Variants in LIN7A observed in about 807,000 individuals in gnomAD.
The protein encoded by LIN7A is protein lin-7 homolog A.
A neutral mutation model predicts 29.8 loss-of-function variants in LIN7A; 25 were observed. The ratio of observed to expected loss-of-function variants is 0.84; its 90% CI spans 0.61 to 1.17. The LOEUF (loss-of-function observed/expected upper bound fraction) is 1.17, where lower values mean the gene tolerates loss of function less well. LIN7A is among the 50% of genes most tolerant of loss of function. The pLI is 0.00. For synonymous variants in LIN7A, 118 were observed against 107.5 expected (o/e 1.10, Z -0.60); for missense variants, 239 against 287.0 (o/e 0.83, Z 1.21).
At chr12:80,842,951 G>T (rs1019959778) in intron 4 of LIN7A, among the ~76,000 whole-genome samples, 1 of 148,216 alleles carries the variant, frequency 6.7e-6, no homozygotes, top group Non-Finnish European at 1.5e-5. Flanking sequence ...AACCAGTCTA[G>T]GGTAGTTAGC....
chr12:80,800,389 T>G (rs1870659889), intron 5 of LIN7A, among the ~76,000 whole-genome samples: 1 of 148,006 alleles, frequency 6.8e-6, no homozygotes, highest in South Asian at 2.1e-4. Flanking sequence ...CTCGGAAGGC[T>G]GAGGCAGGAG....
At chr12:80,829,451 T>C (rs1209046444) in intron 4 of LIN7A, among the ~76,000 whole-genome samples, 1 of 152,204 alleles carries the variant, frequency 6.6e-6, no homozygotes, top group Non-Finnish European at 1.5e-5. Context: ...GCATATCACT[T>C]ATACGGCATG....
chr12:80,806,250 GCACGAATAAAACCCGAATT>G (rs1870984045), intron 5 of LIN7A, among the ~76,000 whole-genome samples: 1 of 152,038 alleles, frequency 6.6e-6, no homozygotes, highest in African/African-American at 2.4e-5. Flanking sequence ...AGTGGGTATA[GCACGAATAAAACCCGAATT>G]CATATTCTCT....
chr12:80,920,386 C>T (rs1877240581), intron 1 of LIN7A, among the ~76,000 whole-genome samples: 1 of 152,014 alleles, frequency 6.6e-6, no homozygotes. Context: ...AAATTGGTAG[C>T]AATAATTATG....
chr12:80,927,311 G>A (rs1385995688), intron 1 of LIN7A, among the ~76,000 whole-genome samples: 2 of 151,882 alleles, frequency 1.3e-5, no homozygotes, highest in Non-Finnish European at 2.9e-5. Context: ...ACAGGCGCCC[G>A]CCACCGCGCC....
At chr12:80,801,374 ACTACCG>A (rs1870713293) in intron 5 of LIN7A, among the ~76,000 whole-genome samples, 1 of 152,172 alleles carries the variant, frequency 6.6e-6, no homozygotes, top group African/African-American at 2.4e-5. Context: ...GAAGGATTCC[ACTACCG>A]CTACTCGTTT....
chr12:80,877,051 G>A (rs1874742825), intron 2 of LIN7A, among the ~76,000 whole-genome samples: 1 of 148,012 alleles, frequency 6.8e-6, no homozygotes, highest in African/African-American at 2.5e-5. Context: ...GAGCCCAGGA[G>A]GCAGAGGTTG....
At chr12:80,818,865 A>G (rs1349620967) in intron 4 of LIN7A, among the ~76,000 whole-genome samples, 2 of 152,254 alleles carry the variant, frequency 1.3e-5, no homozygotes, top group African/African-American at 2.4e-5. Flanking sequence ...ACCTTACTAC[A>G]GAAAAAAGTG....
At chr12:80,834,877 T>G (rs1872539280) in intron 4 of LIN7A, among the ~76,000 whole-genome samples, 1 of 152,230 alleles carries the variant, frequency 6.6e-6, no homozygotes, top group Admixed American at 6.5e-5. Flanking sequence ...CTCATGTAGC[T>G]GTGGCATATT....
At chr12:80,915,158 A>C (rs1455996806) in intron 1 of LIN7A, among the ~76,000 whole-genome samples, 4 of 151,590 alleles carry the variant, frequency 2.6e-5, no homozygotes, top group African/African-American at 9.7e-5. Flanking sequence ...CAAGCAAAAA[A>C]AAAAAAAACA....
At chr12:80,818,978 GA>G (rs1871666722) in intron 4 of LIN7A, among the ~76,000 whole-genome samples, 1 of 152,148 alleles carries the variant, frequency 6.6e-6, no homozygotes, top group Non-Finnish European at 1.5e-5. Context: ...ATTTAATTAA[GA>G]AAGAAATATC....
At chr12:80,858,506 T>C (rs1228635022) in intron 2 of LIN7A, among the ~76,000 whole-genome samples, 1 of 130,486 alleles carries the variant, frequency 7.7e-6, no homozygotes, top group Non-Finnish European at 1.7e-5. Flanking sequence ...AGAAGAAATT[T>C]CTTTTTTTTT....
chr12:80,835,969 A>C (rs1872573826), intron 4 of LIN7A, among the ~76,000 whole-genome samples: 1 of 152,242 alleles, frequency 6.6e-6, no homozygotes, highest in African/African-American at 2.4e-5. Flanking sequence ...GGATATAGAA[A>C]GAAAATTTCA....
At chr12:80,931,009 C>T (rs977781889) in intron 1 of LIN7A, among the ~76,000 whole-genome samples, 2 of 152,128 alleles carry the variant, frequency 1.3e-5, no homozygotes, top group Non-Finnish European at 2.9e-5. Context: ...GAAAGTATAT[C>T]CTAACAGGCA....
At chr12:80,918,974 C>T (rs1172803643) in intron 1 of LIN7A, among the ~76,000 whole-genome samples, 1 of 152,126 alleles carries the variant, frequency 6.6e-6, no homozygotes, top group Non-Finnish European at 1.5e-5. Context: ...GCAGTCACAG[C>T]CTGTACAGGT....
intron 1 of LIN7A, among the ~76,000 whole-genome samples, chr12:80,891,948 G>C (rs1223514422): frequency 6.6e-6 from 1 of 152,102 alleles, no homozygotes; most frequent in African/African-American, 2.4e-5. Flanking sequence ...AGATGAGGTA[G>C]ACAGAAATCA....
chr12:80,886,768 A>G (rs1044831910), intron 2 of LIN7A, among the ~76,000 whole-genome samples: 1 of 152,116 alleles, frequency 6.6e-6, no homozygotes, highest in African/African-American at 2.4e-5. Context: ...TGACACACAT[A>G]CCCACTTTAC....
At chr12:80,847,957 C>T in intron 3 of LIN7A, 1 of 452,608 alleles carries the variant, frequency 2.2e-6, no homozygotes, top group Non-Finnish European at 4.1e-6. Flanking sequence ...AAGAATGTGT[C>T]TGAAAATCAT....
intron 4 of LIN7A, among the ~76,000 whole-genome samples, chr12:80,830,927 T>G (rs1872319055): frequency 6.6e-6 from 1 of 152,136 alleles, no homozygotes; most frequent in African/African-American, 2.4e-5. Flanking sequence ...GGCACCACAC[T>G]CTCCCTGCCA....
Sources: allele counts gnomAD v4.1 joint callset (sites outside exome capture counted in the v4.1 genomes callset), GRCh38; gene constraint gnomAD v4.1.1; transcripts MANE v1.5; gene names NCBI Gene and HGNC (gene_info 2026-07-23, HGNC 2026-07-21).